Variants in SLC28A1 observed in about 807,000 individuals in gnomAD.
The protein encoded by SLC28A1 is sodium/nucleoside cotransporter 1.
SLC28A1 carries 64 observed loss-of-function variants against 74.8 expected under a neutral mutation model. The ratio of observed to expected loss-of-function variants is 0.86; its 90% CI spans 0.70 to 1.05. The LOEUF (loss-of-function observed/expected upper bound fraction) is 1.05. Ranked by LOEUF, SLC28A1 falls within the 50% of genes least tolerant of loss-of-function variation. The pLI is 0.00. For missense variants in SLC28A1, 828 were observed against 822.8 expected (o/e 1.01, Z -0.08); for synonymous variants, 359 against 335.0 (o/e 1.07, Z -0.78).
chr15:84,954,155 C>T, the SLC28A1 span, among the ~76,000 whole-genome samples: 29 of 152,274 alleles, frequency 1.9e-4, no homozygotes, highest in East Asian at 2.5e-3. Context: ...CTGTCAGGGA[C>T]GTGTGCCCTC....
Position 84,945,268 on chromosome 15 carries a change from C to A in SLC28A1, c.*68C>A. 6.9e-7 allele frequency: 1 copy of A among 1,453,808 alleles called. No individual in the cohort carries two copies. The highest frequency in any genetic ancestry group is 9.7e-7 in the Non-Finnish European group (1 of 1,036,132). 90.1% of individuals were successfully genotyped at this position (1,453,808 alleles called of 1,614,324 possible). A position where few individuals can be genotyped will look rare whatever the true frequency, so the allele number is the denominator to read the frequency against. On this transcript the variant is annotated 3_prime_UTR_variant, in exon 19 of 19. Coordinates refer to ENST00000394573, the MANE Select transcript of SLC28A1 (RefSeq NM_004213.5). ...TCCCCCGGGAACCATCTGTCCCCAC[C>A]TTCCCTTTCCCAGAGCCCTCTTCAG...
chr15:84,942,726 G>A (rs554609377), intron 15 of SLC28A1, among the ~76,000 whole-genome samples: 1 of 152,186 alleles, frequency 6.6e-6, no homozygotes, highest in Non-Finnish European at 1.5e-5. Context: ...CCCTCTCTCA[G>A]CCTGAGAGCA....
the SLC28A1 span, among the ~76,000 whole-genome samples, chr15:84,962,849 C>T: frequency 2.0e-5 from 3 of 152,134 alleles, no homozygotes; most frequent in Non-Finnish European, 4.4e-5. Context: ...GTGACAAGGC[C>T]TTAGAGGACA....
At chr15:84,932,497 T>C (rs1185784758) in intron 12 of SLC28A1, among the ~76,000 whole-genome samples, 1 of 152,144 alleles carries the variant, frequency 6.6e-6, no homozygotes, top group African/African-American at 2.4e-5. Flanking sequence ...TAGAGGCAGA[T>C]TTCCTGAGAA....
chr15:84,912,607 G>A lies in SLC28A1; in HGVS notation c.795+3812G>A, dbSNP rs572349591. Among the ~76,000 whole-genome samples the A allele has an allele frequency of 8.5e-5, 13 of 152,120 alleles. No homozygotes were observed. The East Asian group carries it at 1.7e-3, about 20-fold the overall frequency. Reference sequence around the variant, plus strand: ...ATACTCCCCTGGGTCTGGCTGACCCGGGAGCAGACTCTCATTCTTTCACTA... The same window carrying A: ...ATACTCCCCTGGGTCTGGCTGACCCAGGAGCAGACTCTCATTCTTTCACTA... On this transcript the variant is annotated intron_variant, in intron 9 of 18. Coordinates refer to ENST00000394573, the MANE Select transcript of SLC28A1 (RefSeq NM_004213.5).
At chr15:84,965,483 C>G in the SLC28A1 span, among the ~76,000 whole-genome samples, 1 of 152,284 alleles carries the variant, frequency 6.6e-6, no homozygotes, top group African/African-American at 2.4e-5. Context: ...TTCCAATAGC[C>G]ATTTTCCCTT....
chr15:84,963,027 GC>G, the SLC28A1 span, among the ~76,000 whole-genome samples: 2 of 152,196 alleles, frequency 1.3e-5, no homozygotes, highest in Admixed American at 1.3e-4. Flanking sequence ...GACCAGTGGA[GC>G]CAGCCTGACG....
intron 12 of SLC28A1, among the ~76,000 whole-genome samples, chr15:84,928,591 TTTC>T (rs1567172503): frequency 6.6e-5 from 1 of 15,096 alleles, no homozygotes; most frequent in African/African-American, 4.6e-4. Context: ...TCTTTCTTTC[TTTC>T]TTTCTTTCTT....
chr15:84,951,850 C>T, the SLC28A1 span, among the ~76,000 whole-genome samples: 21 of 152,096 alleles, frequency 1.4e-4, no homozygotes, highest in African/African-American at 4.8e-4. Context: ...GATACATATC[C>T]GAGGGGAAGT....
At chr15:84,941,066 A>C (rs1182210890) in intron 15 of SLC28A1, 1 of 152,686 alleles carries the variant, frequency 6.5e-6, no homozygotes, top group Non-Finnish European at 1.5e-5. Context: ...CCCTCCCAAC[A>C]AGCTTGGACA....
At chr15:84,901,600 G>A (rs1966698823) in intron 6 of SLC28A1, among the ~76,000 whole-genome samples, 1 of 151,956 alleles carries the variant, frequency 6.6e-6, no homozygotes, top group Non-Finnish European at 1.5e-5. Flanking sequence ...TGGCAAATAA[G>A]TACATGGTAA....
At chr15:84,952,293 C>T in the SLC28A1 span, among the ~76,000 whole-genome samples, 1 of 152,214 alleles carries the variant, frequency 6.6e-6, no homozygotes, top group African/African-American at 2.4e-5. Flanking sequence ...TATCTGCTCT[C>T]TATACAGACA....
At chr15:84,926,112 T>A (rs1365022519) in intron 12 of SLC28A1, among the ~76,000 whole-genome samples, 2 of 148,566 alleles carry the variant, frequency 1.3e-5, no homozygotes, top group African/African-American at 2.4e-5. Flanking sequence ...TTAATTTTTT[T>A]ATTTATATAA....
Position 84,888,867 on chromosome 15 carries a change from G to A in SLC28A1, c.185+7G>A, listed in dbSNP as rs375421460. 142 of 1,544,076 alleles carry A rather than the reference G, an allele frequency of 9.2e-5. No individual in the cohort carries two copies. Among genetic ancestry groups the A allele is most frequent in the Non-Finnish European group, 1.2e-4 (135 of 1,140,002 alleles). ...CGAAGCCCTTCTCCAGATGGTAGGTGATCTCTGGAGAGACAAGGGCGGGCC... is the reference window on the plus strand; with the variant it reads ...CGAAGCCCTTCTCCAGATGGTAGGTAATCTCTGGAGAGACAAGGGCGGGCC... On this transcript the variant is annotated splice_region_variant and intron_variant, in intron 4 of 18. Coordinates refer to ENST00000394573, the MANE Select transcript of SLC28A1 (RefSeq NM_004213.5).
intron 12 of SLC28A1, among the ~76,000 whole-genome samples, chr15:84,928,933 C>T (rs1249484163): frequency 1.3e-5 from 2 of 151,966 alleles, no homozygotes; most frequent in African/African-American, 2.4e-5. Context: ...TCCAAGCTCC[C>T]AGATTCTTAA....
the SLC28A1 span, among the ~76,000 whole-genome samples, chr15:84,966,878 C>T: frequency 2.6e-5 from 4 of 152,170 alleles, no homozygotes; most frequent in Non-Finnish European, 5.9e-5. Flanking sequence ...AACCATATCA[C>T]CACCTGTCTC....
chr15:84,935,944 GGTTTTTGTTTTTTTTTT>G (rs1159551007), intron 15 of SLC28A1, among the ~76,000 whole-genome samples: 2 of 90,106 alleles, frequency 2.2e-5, no homozygotes, highest in South Asian at 5.0e-4. Flanking sequence ...GTTTTGGTTT[GGTTTTTGTTTTTTTTTT>G]TTTTTTTTTT....
At chr15:84,895,648 G>A (rs1965918517) in intron 6 of SLC28A1, 1 of 1,431,014 alleles carries the variant, frequency 7.0e-7, no homozygotes, top group Non-Finnish European at 9.1e-7. Context: ...GGAGAGGGAG[G>A]TTGTGGAGGG....
In SLC28A1 at chr15:84,902,731, G is replaced by C. The variant is rs1342343074; in HGVS notation, c.462-1366G>C. On this transcript the variant is annotated intron_variant, in intron 6 of 18. Coordinates refer to ENST00000394573, the MANE Select transcript of SLC28A1 (RefSeq NM_004213.5). Reference sequence around the variant, plus strand: ...TAAAAAATCTGAGACAAGCATTTAAGTTTTTTTTTTTTTTTTGAGATGGCG... The same window carrying C: ...TAAAAAATCTGAGACAAGCATTTAACTTTTTTTTTTTTTTTTGAGATGGCG... 5.7e-5 allele frequency among the ~76,000 whole-genome samples: 8 copies of C among 140,010 alleles called. No individual in the cohort carries two copies. In the East Asian group the frequency reaches 1.6e-3, roughly 29 times the overall value. The allele number at this position is 140,010 out of a possible 152,430, so 91.9% of individuals were successfully genotyped here.
Sources: allele counts gnomAD v4.1 joint callset (sites outside exome capture counted in the v4.1 genomes callset), GRCh38; gene constraint gnomAD v4.1.1; transcripts MANE v1.5; gene names NCBI Gene and HGNC (gene_info 2026-07-23, HGNC 2026-07-21).